Variants in CNTN1 observed in about 807,000 individuals in gnomAD.
The protein encoded by CNTN1 is contactin-1.
Under a neutral mutation model 126.4 loss-of-function variants are expected in CNTN1, and 38 were observed. The observed-to-expected ratio is 0.30, with a 90% CI of 0.23 to 0.39. The LOEUF (loss-of-function observed/expected upper bound fraction) is 0.39. CNTN1 is among the 10% of genes least tolerant of loss of function. The pLI is 1.00. For synonymous variants in CNTN1, 413 were observed against 422.6 expected (o/e 0.98, Z 0.28); for missense variants, 1,009 against 1,248.4 (o/e 0.81, Z 2.89).
intron 12 of CNTN1, 104 bp downstream of exon 12, chr12:40,939,589 A>T: frequency 1.6e-6 from 2 of 1,249,766 alleles, no homozygotes; most frequent in Non-Finnish European, 2.3e-6. Flanking sequence ...TTTGCTCTGA[A>T]TTTTTTTTTT....
At chr12:40,903,313 C>G (rs1280007858) in intron 1 of CNTN1, among the ~76,000 whole-genome samples, 3 of 151,476 alleles carry the variant, frequency 2.0e-5, no homozygotes, top group African/African-American at 7.3e-5. Flanking sequence ...GTTCCTGCTT[C>G]TGGTCCTTCT....
chr12:40,747,877 T>C (rs1019822296), intron 1 of CNTN1, among the ~76,000 whole-genome samples: 2 of 152,178 alleles, frequency 1.3e-5, no homozygotes, highest in Non-Finnish European at 2.9e-5. Flanking sequence ...TCAATTTGCA[T>C]GACTTCTTTC....
intron 1 of CNTN1, among the ~76,000 whole-genome samples, chr12:40,767,519 A>AG (rs1311970769): frequency 6.6e-6 from 1 of 152,018 alleles, no homozygotes; most frequent in Non-Finnish European, 1.5e-5. Context: ...CGTGTTAGCC[A>AG]GGATGATCTC....
rs115378305 is a variant in CNTN1, at chr12:40,908,421, A to G, written c.-12A>G. On this transcript the variant is annotated 5_prime_UTR_variant, in exon 2 of 24. Transcript: ENST00000551295. ...TTTTGGAAAATTGAACCGAACTTCT[A>G]CTGAATACAAGATGAAAATGTGGTT... is the stretch of plus-strand genomic sequence containing the variant. 2,327 of 1,612,220 alleles carry G rather than the reference A, an allele frequency of 1.4e-3. 27 individuals are homozygous for G. In the African/African-American group the frequency reaches 0.027, roughly 19 times the overall value.
intron 20 of CNTN1, among the ~76,000 whole-genome samples, chr12:41,021,032 A>C (rs1374339334): frequency 6.6e-6 from 1 of 152,202 alleles, no homozygotes; most frequent in Non-Finnish European, 1.5e-5. Context: ...AACTAGAGAG[A>C]TTAGTTAGGG....
At chr12:40,723,050 C>T (rs760113399) in intron 1 of CNTN1, among the ~76,000 whole-genome samples, 3 of 151,972 alleles carry the variant, frequency 2.0e-5, no homozygotes, top group African/African-American at 4.8e-5. Flanking sequence ...GCTTTATTGT[C>T]TATGAAATAT....
intron 1 of CNTN1, among the ~76,000 whole-genome samples, chr12:40,832,696 C>A (rs1941891489): frequency 6.6e-6 from 1 of 152,152 alleles, no homozygotes; most frequent in Non-Finnish European, 1.5e-5. Context: ...CCTGGAAGGA[C>A]CACCCTTCCT....
At chr12:40,873,780 A>T (rs1418319533) in intron 1 of CNTN1, among the ~76,000 whole-genome samples, 2 of 151,140 alleles carry the variant, frequency 1.3e-5, no homozygotes, top group Non-Finnish European at 3.0e-5. Context: ...CATCCTCTAC[A>T]TTTTTTTTTG....
intron 1 of CNTN1, among the ~76,000 whole-genome samples, chr12:40,743,200 GTCTT>G (rs113845569): frequency 0.012 from 1,781 of 152,128 alleles, 23 homozygotes; most frequent in African/African-American, 0.04. Context: ...TGTGTCCTGA[GTCTT>G]TCTATTGAGT....
chr12:41,007,590 G>A (rs1948534107), intron 17 of CNTN1, among the ~76,000 whole-genome samples: 1 of 152,154 alleles, frequency 6.6e-6, no homozygotes, highest in Non-Finnish European at 1.5e-5. Context: ...AAGACTGGCT[G>A]TCAGTGAATG....
At chr12:40,891,915 A>G (rs1376109249) in intron 1 of CNTN1, among the ~76,000 whole-genome samples, 7 of 152,130 alleles carry the variant, frequency 4.6e-5, no homozygotes, top group African/African-American at 1.4e-4. Context: ...CTGTCAATGT[A>G]AACAAAATAA....
In CNTN1 at chr12:40,697,315, G is replaced by A. The variant is rs548059954; in HGVS notation, c.-77+4723G>A. Among the ~76,000 whole-genome samples, 6 of 152,202 alleles carry A rather than the reference G, an allele frequency of 3.9e-5. No individual in the cohort carries two copies. The South Asian group carries it at 1.2e-3, about 32-fold the overall frequency. On this transcript the variant is annotated intron_variant, in intron 1 of 23. Coordinates refer to ENST00000551295, the MANE Select transcript of CNTN1 (RefSeq NM_001843.4). ...GGATCATTTTGATAGTACAAATTGT[G>A]TATCTAGTTATTCTTCTGAGTTATT...
At chr12:41,011,411 C>T (rs1948649740) in intron 17 of CNTN1, among the ~76,000 whole-genome samples, 1 of 152,154 alleles carries the variant, frequency 6.6e-6, no homozygotes, top group Non-Finnish European at 1.5e-5. Context: ...GGAGTACAGG[C>T]CTTAGATGAT....
At chr12:40,985,174 G>GT (rs996259470) in intron 16 of CNTN1, among the ~76,000 whole-genome samples, 25 of 152,088 alleles carry the variant, frequency 1.6e-4, no homozygotes, top group Admixed American at 6.6e-4. Context: ...TTGGTTGACA[G>GT]TTTTTGTTTT....
intron 23 of CNTN1, among the ~76,000 whole-genome samples, chr12:41,069,377 A>T (rs899603493): frequency 3.3e-5 from 5 of 152,178 alleles, no homozygotes; most frequent in African/African-American, 7.2e-5. Flanking sequence ...TACCTAGCAT[A>T]CCTATGTTGT....
intron 23 of CNTN1, among the ~76,000 whole-genome samples, chr12:41,045,420 C>T (rs1949520506): frequency 6.6e-6 from 1 of 152,082 alleles, no homozygotes; most frequent in Non-Finnish European, 1.5e-5. Context: ...TGAGGTTTGA[C>T]ACTTATTCAC....
chr12:40,701,739 A>C (rs1033232365), intron 1 of CNTN1, among the ~76,000 whole-genome samples: 1 of 152,198 alleles, frequency 6.6e-6, no homozygotes, highest in Non-Finnish European at 1.5e-5. Flanking sequence ...TTCTCAAAAA[A>C]TGTTATTTTC....
At chr12:40,775,819 A>G (rs1303232382) in intron 1 of CNTN1, among the ~76,000 whole-genome samples, 1 of 151,636 alleles carries the variant, frequency 6.6e-6, no homozygotes, top group Non-Finnish European at 1.5e-5. Flanking sequence ...AATGCTAGAA[A>G]CATTGCGGGG....
chr12:40,899,488 C>T (rs1429132982), intron 1 of CNTN1, among the ~76,000 whole-genome samples: 2 of 152,126 alleles, frequency 1.3e-5, no homozygotes, highest in Non-Finnish European at 2.9e-5. Context: ...ATCATGTAGA[C>T]CAAATGCCAC....
Sources: allele counts gnomAD v4.1 joint callset (sites outside exome capture counted in the v4.1 genomes callset), GRCh38; gene constraint gnomAD v4.1.1; transcripts MANE v1.5; gene names NCBI Gene and HGNC (gene_info 2026-07-23, HGNC 2026-07-21).